Variants in ZNF521 observed in about 807,000 individuals in gnomAD.
The protein encoded by ZNF521 is LYST-interacting protein 3.
ZNF521 carries 14 observed loss-of-function variants against 105.5 expected under a neutral mutation model. The ratio of observed to expected loss-of-function variants is 0.13; its 90% confidence interval spans 0.09 to 0.21. The LOEUF (loss-of-function observed/expected upper bound fraction) is 0.21. ZNF521 is among the 10% of genes least tolerant of loss of function. The probability of loss-of-function intolerance (pLI) is 1.00; values close to 1 mark genes in which losing one functional copy is unlikely to be tolerated. For missense variants in ZNF521, 1,233 were observed against 1,629.7 expected (o/e 0.76, Z 4.19); for synonymous variants, 635 against 606.0 (o/e 1.05, Z -0.70).
At chr18:25,114,920 G>A (rs573885876) in intron 5 of ZNF521, among the ~76,000 whole-genome samples, 3 of 152,304 alleles carry the variant, frequency 2.0e-5, no homozygotes, top group South Asian at 2.1e-4. Flanking sequence ...TATGTGCAAC[G>A]TAGTTTATTG....
intron 5 of ZNF521, among the ~76,000 whole-genome samples, chr18:25,124,399 T>C (rs1291264434): frequency 6.6e-6 from 1 of 152,142 alleles, no homozygotes; most frequent in Non-Finnish European, 1.5e-5. Context: ...AGAAACTAAG[T>C]AACACATGAA....
intron 4 of ZNF521, chr18:25,223,915 C>T (rs1198863808): frequency 4.4e-6 from 1 of 229,484 alleles, no homozygotes; most frequent in Non-Finnish European, 8.6e-6. Context: ...AATTTGTTAT[C>T]CCCAAATATA....
chr18:25,148,673 C>A (rs1341917449), intron 5 of ZNF521, among the ~76,000 whole-genome samples: 2 of 151,966 alleles, frequency 1.3e-5, no homozygotes, highest in African/African-American at 4.8e-5. Context: ...TGTAAGATAA[C>A]TGTGTTTTGT....
chr18:25,277,612 C>T (rs954386438), intron 3 of ZNF521, among the ~76,000 whole-genome samples: 1 of 152,168 alleles, frequency 6.6e-6, no homozygotes, highest in African/African-American at 2.4e-5. Flanking sequence ...TTTACCTTAT[C>T]TTTCTGTGAG....
chr18:25,332,986 G>T (rs1028846450), intron 2 of ZNF521, among the ~76,000 whole-genome samples: 9 of 151,798 alleles, frequency 5.9e-5, no homozygotes, highest in Non-Finnish European at 1.2e-4. Flanking sequence ...TCTCAATCTC[G>T]ACTTGTCAGG....
chr18:25,301,391 C>T (rs1911633727), intron 3 of ZNF521, among the ~76,000 whole-genome samples: 1 of 152,206 alleles, frequency 6.6e-6, no homozygotes, highest in African/African-American at 2.4e-5. Flanking sequence ...ATCAAAACAT[C>T]TCATGTGTCC....
intron 4 of ZNF521, among the ~76,000 whole-genome samples, chr18:25,210,823 T>G (rs1337274714): frequency 3.9e-5 from 6 of 152,182 alleles, no homozygotes; most frequent in Non-Finnish European, 8.8e-5. Context: ...TGTCCTCTGC[T>G]CACTCTGCTC....
intron 5 of ZNF521, among the ~76,000 whole-genome samples, chr18:25,177,585 C>CT (rs1331518304): frequency 6.6e-6 from 1 of 151,374 alleles, no homozygotes; most frequent in African/African-American, 2.4e-5. Flanking sequence ...AGGCTGCTAT[C>CT]TACATGCACA....
chr18:25,246,381 A>C (rs533062316), intron 3 of ZNF521, among the ~76,000 whole-genome samples: 1 of 152,340 alleles, frequency 6.6e-6, no homozygotes, highest in Non-Finnish European at 1.5e-5. Flanking sequence ...AGTGCGTATA[A>C]CACCACAATC....
intron 2 of ZNF521, among the ~76,000 whole-genome samples, chr18:25,348,745 C>A (rs1181052551): frequency 2.0e-5 from 3 of 152,152 alleles, no homozygotes; most frequent in Non-Finnish European, 4.4e-5. Flanking sequence ...TGCAACATGA[C>A]GATAAAAGAA....
intron 5 of ZNF521, among the ~76,000 whole-genome samples, chr18:25,190,258 T>TA (rs952642609): frequency 2.0e-5 from 3 of 151,854 alleles, no homozygotes; most frequent in Admixed American, 6.6e-5. Context: ...GGATTTTTTT[T>TA]AAAAAAGGGT....
chr18:25,236,403 G>A (rs1362453366), intron 3 of ZNF521, among the ~76,000 whole-genome samples: 7 of 152,060 alleles, frequency 4.6e-5, no homozygotes, highest in Non-Finnish European at 1.0e-4. Context: ...GGGCGTGGTG[G>A]CATGCGTCTG....
intron 3 of ZNF521, among the ~76,000 whole-genome samples, chr18:25,278,875 T>A (rs1032674033): frequency 5.9e-5 from 9 of 152,178 alleles, no homozygotes; most frequent in African/African-American, 2.2e-4. Context: ...CTTTTTACAG[T>A]AGGTTGGCTT....
intron 3 of ZNF521, among the ~76,000 whole-genome samples, chr18:25,308,252 G>A (rs1396978670): frequency 6.7e-6 from 1 of 148,272 alleles, no homozygotes; most frequent in African/African-American, 2.5e-5. Flanking sequence ...CAGGCCACCA[G>A]GTAACTGTAG....
At chr18:25,104,810 G>C (rs370630154) in intron 5 of ZNF521, among the ~76,000 whole-genome samples, 1 of 152,130 alleles carries the variant, frequency 6.6e-6, no homozygotes, top group East Asian at 1.9e-4. Context: ...TGGGTAAATA[G>C]AGATTAGCAT....
intron 5 of ZNF521, among the ~76,000 whole-genome samples, chr18:25,113,761 G>GACGGATACACACACACACACAC (rs35914509): frequency 9.8e-6 from 1 of 101,690 alleles, no homozygotes; most frequent in Non-Finnish European, 2.0e-5. Context: ...AGGACGGACG[G>GACGGATACACACACACACACAC]ACACACACAC....
intron 4 of ZNF521, among the ~76,000 whole-genome samples, chr18:25,198,101 A>G (rs1459316875): frequency 1.3e-5 from 2 of 151,878 alleles, no homozygotes; most frequent in African/African-American, 4.8e-5. Context: ...TTGAAATGCT[A>G]ATTTAGTACA....
rs563474713 is a variant in ZNF521 at position 25,317,867 on chromosome 18, TCTA to T, written c.220+4138_220+4140del. On this transcript the variant is annotated intron_variant, in intron 3 of 7. Transcript: ENST00000361524. ...GTACGTACGACAACCAGAATTCTCA[TCTA>T]CTGCTGGTGGGAGTTTTTGAAAAAG... is the stretch of plus-strand genomic sequence containing the variant. Among the ~76,000 whole-genome samples, 454 of 152,294 alleles carry T rather than the reference TCTA, an allele frequency of 3.0e-3. 2 individuals carry two copies. The highest frequency in any genetic ancestry group is 4.2e-3 in the Non-Finnish European group (284 of 68,026).
chr18:25,319,525 G>A (rs1174272932), intron 3 of ZNF521, among the ~76,000 whole-genome samples: 1 of 151,774 alleles, frequency 6.6e-6, no homozygotes, highest in Non-Finnish European at 1.5e-5. Context: ...GAACCCAGGA[G>A]GCAGAGGTTG....
Sources: allele counts gnomAD v4.1 joint callset (sites outside exome capture counted in the v4.1 genomes callset), GRCh38; gene constraint gnomAD v4.1.1; transcripts MANE v1.5; gene names NCBI Gene and HGNC (gene_info 2026-07-23, HGNC 2026-07-21).